Variants in CELF2 observed in about 807,000 individuals in gnomAD.
CELF2 encodes the protein CUGBP Elav-like family member 2.
Under a neutral mutation model 62.6 loss-of-function variants are expected in CELF2, and 8 were observed. The observed-to-expected ratio is 0.13, with a 90% CI of 0.07 to 0.23. CELF2 has a LOEUF of 0.23. CELF2 is among the 10% of genes least tolerant of loss of function. The pLI, the probability that CELF2 is intolerant of heterozygous loss-of-function variation, is 1.00. For missense variants in CELF2, 333 were observed against 671.0 expected (o/e 0.50, Z 5.56); for synonymous variants, 258 against 250.0 (o/e 1.03, Z -0.30).
chr10:10,536,106 G>A, the CELF2 span, among the ~76,000 whole-genome samples: 1 of 149,034 alleles, frequency 6.7e-6, no homozygotes, highest in Non-Finnish European at 1.5e-5. Flanking sequence ...TGCAACCTCC[G>A]CCTCCCGAGT....
intron 1 of CELF2, among the ~76,000 whole-genome samples, chr10:10,913,581 G>A (rs928584376): frequency 3.0e-5 from 4 of 134,724 alleles, no homozygotes; most frequent in East Asian, 2.0e-4. Flanking sequence ...AGTAGAGATG[G>A]GGTTTCACCA....
chr10:10,954,588 C>T (rs985276212), intron 2 of CELF2, among the ~76,000 whole-genome samples: 4 of 152,150 alleles, frequency 2.6e-5, no homozygotes, highest in Admixed American at 6.6e-5. Flanking sequence ...ACCATTTTCC[C>T]GATCCAGCAA....
chr10:11,173,692 A>G (rs895348485), intron 2 of CELF2, among the ~76,000 whole-genome samples: 1 of 152,218 alleles, frequency 6.6e-6, no homozygotes, highest in Non-Finnish European at 1.5e-5. Flanking sequence ...TTCTGAGGCC[A>G]TCCATTCTCC....
chr10:10,818,546 CTT>C (rs3028992), intron 1 of CELF2, among the ~76,000 whole-genome samples: 9,960 of 116,572 alleles, frequency 0.085, 389 homozygotes, highest in East Asian at 0.23. Context: ...TAAATATTTC[CTT>C]TTTTTTTTTT....
chr10:10,735,662 G>A, the CELF2 span, among the ~76,000 whole-genome samples: 1 of 152,194 alleles, frequency 6.6e-6, no homozygotes, highest in East Asian at 1.9e-4. Context: ...TGACGTTAAA[G>A]AAGTAGCTTC....
At chr10:10,467,282 AG>A in the CELF2 span, among the ~76,000 whole-genome samples, 1 of 152,006 alleles carries the variant, frequency 6.6e-6, no homozygotes, top group Admixed American at 6.6e-5. Context: ...ATAAAAACCA[AG>A]GGTCAATTTT....
chr10:11,325,591 G>T (rs1240844814), intron 11 of CELF2, among the ~76,000 whole-genome samples: 2 of 152,234 alleles, frequency 1.3e-5, no homozygotes, highest in Non-Finnish European at 2.9e-5. Flanking sequence ...AGGGGCAGTG[G>T]CACCTGTGAC....
the CELF2 span, among the ~76,000 whole-genome samples, chr10:10,678,871 C>T: frequency 6.6e-6 from 1 of 152,140 alleles, no homozygotes; most frequent in Admixed American, 6.5e-5. Flanking sequence ...GGGGTTTATG[C>T]TGCTACAATG....
chr10:11,233,313 G>A (rs2069598212), intron 3 of CELF2, among the ~76,000 whole-genome samples: 1 of 152,122 alleles, frequency 6.6e-6, no homozygotes, highest in Non-Finnish European at 1.5e-5. Context: ...CAGGAACTTG[G>A]GTGTACTTTT....
chr10:11,078,139 A>G (rs1381512687), intron 1 of CELF2, among the ~76,000 whole-genome samples: 1 of 152,056 alleles, frequency 6.6e-6, no homozygotes, highest in East Asian at 1.9e-4. Context: ...ATAGTCTAAT[A>G]GATACAGATA....
rs2066757239 is a variant in CELF2, at chr10:11,165,353, C to T, written c.75-133C>T. The T allele has an allele frequency of 1.4e-6, 2 of 1,480,636 alleles. No homozygotes were observed. The highest frequency in any genetic ancestry group is 2.4e-5 in the East Asian group (1 of 42,056). 91.7% of individuals were successfully genotyped at this position (1,480,636 alleles called of 1,614,324 possible). A position where few individuals can be genotyped will look rare whatever the true frequency, so the allele number is the denominator to read the frequency against. On this transcript the variant is annotated intron_variant, in intron 1 of 12. Transcript: ENST00000633077. This position sits in a 1 kb window ranked among gnomAD's most constrained non-coding sequence, Gnocchi z 7.4. ...TTTGTTTTAGTTCATCAAATTTCTA[C>T]GACTCATTAGGCACTTTGCCACTGC...
In CELF2 at chr10:10,997,157, G is replaced by A. The variant is rs181697995; in HGVS notation, c.89+77158G>A. On this transcript the variant is annotated intron_variant, in intron 2 of 13. Transcript: ENST00000636488. The surrounding 1 kb of genome is among the most constrained non-coding windows in gnomAD (Gnocchi z 5.3). ...CGTACTGCATGTGTCAGCTTGGGCC[G>A]TTTTTAATCTGCCAGGCCCTTGTGT... 4.3e-4 allele frequency among the ~76,000 whole-genome samples: 65 copies of A among 152,238 alleles called. No homozygotes were observed. The highest frequency in any genetic ancestry group is 1.9e-3 in the South Asian group (9 of 4,828).
At chr10:10,841,706 T>A (rs1328807041) in intron 1 of CELF2, among the ~76,000 whole-genome samples, 1 of 152,152 alleles carries the variant, frequency 6.6e-6, no homozygotes, top group Non-Finnish European at 1.5e-5. Flanking sequence ...GTAGTGTGAA[T>A]CCTCCATATT....
chr10:11,113,406 TCTC>T (rs1246851711), intron 1 of CELF2, among the ~76,000 whole-genome samples: 1 of 152,100 alleles, frequency 6.6e-6, no homozygotes, highest in Admixed American at 6.6e-5. Context: ...TAGGAGGCGT[TCTC>T]CTCTATGCTA....
At chr10:10,774,532 G>A in the CELF2 span, among the ~76,000 whole-genome samples, 4 of 152,144 alleles carry the variant, frequency 2.6e-5, no homozygotes, top group Non-Finnish European at 4.4e-5. Context: ...AAAGTGTGTG[G>A]CACCTTCCCT....
intron 1 of CELF2, among the ~76,000 whole-genome samples, chr10:10,823,542 G>A (rs2038665): frequency 0.62 from 94,084 of 151,930 alleles, 29,358 homozygotes; most frequent in African/African-American, 0.69. Context: ...TATCTGAGCT[G>A]TGTCTGTATG....
the CELF2 span, among the ~76,000 whole-genome samples, chr10:10,696,673 C>G: frequency 6.6e-6 from 1 of 151,986 alleles, no homozygotes; most frequent in Non-Finnish European, 1.5e-5. Flanking sequence ...GGTGTAGGAC[C>G]CTCCGAGCCA....
the CELF2 span, among the ~76,000 whole-genome samples, chr10:10,492,785 C>T: frequency 6.6e-6 from 1 of 152,166 alleles, no homozygotes; most frequent in Non-Finnish European, 1.5e-5. Context: ...CCATAATTCC[C>T]ACATGTTGTG....
intron 1 of CELF2, among the ~76,000 whole-genome samples, chr10:11,051,209 G>C (rs575226836): frequency 6.6e-6 from 1 of 152,144 alleles, no homozygotes; most frequent in Non-Finnish European, 1.5e-5. Flanking sequence ...TCTTGAAAAG[G>C]TTAGCTTTTT....
Sources: allele counts gnomAD v4.1 joint callset (sites outside exome capture counted in the v4.1 genomes callset), GRCh38; gene constraint gnomAD v4.1.1; non-coding constraint Gnocchi (gnomAD v3.1); transcripts MANE v1.5; gene names NCBI Gene and HGNC (gene_info 2026-07-23, HGNC 2026-07-21).